Variants in ATP10D observed in about 807,000 individuals in gnomAD.
ATP10D encodes the protein phospholipid-transporting ATPase VD.
In ATP10D, 89 loss-of-function variants were observed where a neutral mutation model predicts 144.8. The ratio of observed to expected loss-of-function variants is 0.61; its 90% CI spans 0.52 to 0.73. The LOEUF (loss-of-function observed/expected upper bound fraction) is 0.73. Ranked by LOEUF, ATP10D falls within the 30% of genes least tolerant of loss-of-function variation. ATP10D has a pLI of 0.00. For missense variants in ATP10D, 1,603 were observed against 1,714.8 expected (o/e 0.93, Z 1.15); for synonymous variants, 571 against 615.1 (o/e 0.93, Z 1.06).
At chr4:47,585,875 A>C (rs1470747472) in intron 21 of ATP10D, among the ~76,000 whole-genome samples, 1 of 152,004 alleles carries the variant, frequency 6.6e-6, no homozygotes, top group Non-Finnish European at 1.5e-5. Context: ...GATATACCAC[A>C]GTTTTTTATC....
chr4:47,529,800 G>T (rs1362790354), intron 5 of ATP10D, among the ~76,000 whole-genome samples: 1 of 151,952 alleles, frequency 6.6e-6, no homozygotes, highest in Non-Finnish European at 1.5e-5. Flanking sequence ...ATTTATTTGT[G>T]TCATCTACAG....
At chr4:47,546,115 G>A (rs187005047) in intron 9 of ATP10D, among the ~76,000 whole-genome samples, 8 of 152,340 alleles carry the variant, frequency 5.3e-5, no homozygotes, top group Admixed American at 5.2e-4. Flanking sequence ...ATTACTAAGG[G>A]TTCACATAAG....
intron 5 of ATP10D, 59 bp downstream of exon 5, chr4:47,525,701 C>T (rs1240793068): frequency 7.3e-6 from 10 of 1,367,162 alleles, no homozygotes; most frequent in East Asian, 2.3e-5. Context: ...TGCAATCGTA[C>T]TTAATTTGAT....
chr4:47,485,633 T>A (rs985068273), intron 1 of ATP10D, 114 bp downstream of exon 1: 6 of 151,890 alleles, frequency 4.0e-5, no homozygotes, highest in African/African-American at 1.5e-4. Flanking sequence ...TCCCTAGTCG[T>A]GTTTAGATTT....
intron 22 of ATP10D, 67 bp from the exon 23 acceptor site, chr4:47,590,975 T>TTG (rs1553902234): frequency 4.9e-5 from 52 of 1,051,380 alleles, no homozygotes; most frequent in African/African-American, 2.5e-4. Flanking sequence ...TCGTTAGTAT[T>TTG]TGGGGGGGGG....
At chr4:47,524,880 A>G (rs1015612780) in intron 4 of ATP10D, among the ~76,000 whole-genome samples, 2 of 150,824 alleles carry the variant, frequency 1.3e-5, no homozygotes, top group Non-Finnish European at 1.5e-5. Context: ...GTTTCCTATT[A>G]TATACTTATT....
At chr4:47,520,237 T>C (rs930622791) in intron 3 of ATP10D, among the ~76,000 whole-genome samples, 4 of 152,226 alleles carry the variant, frequency 2.6e-5, no homozygotes, top group African/African-American at 9.7e-5. Context: ...GCATGAATTA[T>C]GTACCTCAAA....
chr4:47,496,391 A>C (rs530374483), intron 1 of ATP10D, among the ~76,000 whole-genome samples: 2 of 152,266 alleles, frequency 1.3e-5, no homozygotes, highest in Admixed American at 1.3e-4. Flanking sequence ...TCCTGACCTC[A>C]GGTGATCTGC....
intron 1 of ATP10D, among the ~76,000 whole-genome samples, chr4:47,510,822 A>T (rs1276254108): frequency 1.3e-5 from 2 of 152,372 alleles, no homozygotes; most frequent in East Asian, 1.9e-4. Context: ...CTTATGTCTT[A>T]GTAAGAATTT....
intron 15 of ATP10D, 39 bp downstream of exon 15, chr4:47,563,804 C>A: frequency 6.8e-7 from 1 of 1,460,720 alleles, no homozygotes; most frequent in Non-Finnish European, 9.2e-7. Flanking sequence ...TCTGTATTTT[C>A]AAAGGCATTG....
Position 47,535,497 on chromosome 4 carries a change from T to C in ATP10D, c.777-12T>C. ...TGTTTAAAAGTGAATTTATATGCTG[T>C]CTTTCTTATAGAGAACATTCCAACA... On this transcript the variant is annotated splice_polypyrimidine_tract_variant and intron_variant, in intron 5 of 22. Coordinates refer to ENST00000273859, the MANE Select transcript of ATP10D (RefSeq NM_020453.4). 6.3e-7 allele frequency: 1 copy of C among 1,596,606 alleles called. No individual in the cohort carries two copies. The highest frequency in any genetic ancestry group is 1.8e-5 in the Admixed American group (1 of 56,460).
intron 1 of ATP10D, among the ~76,000 whole-genome samples, chr4:47,498,628 T>A (rs1341156783): frequency 6.6e-6 from 1 of 152,232 alleles, no homozygotes; most frequent in Non-Finnish European, 1.5e-5. Context: ...TTAAGATGCA[T>A]CCCATTTGAA....
At chr4:47,559,960 A>G (rs1465708529) in intron 13 of ATP10D, among the ~76,000 whole-genome samples, 1 of 152,192 alleles carries the variant, frequency 6.6e-6, no homozygotes. Flanking sequence ...AGATTGCGCC[A>G]CTGCACTCCA....
chr4:47,491,027 C>T, intron 1 of ATP10D: 1 of 713,906 alleles, frequency 1.4e-6, no homozygotes, highest in South Asian at 1.4e-5. Context: ...AGCTCAGGTT[C>T]CTTCCCATTG....
chr4:47,536,234 G>A (rs566718984), intron 7 of ATP10D, among the ~76,000 whole-genome samples: 104 of 152,102 alleles, frequency 6.8e-4, no homozygotes, highest in Middle Eastern at 6.8e-3. Flanking sequence ...CCATAGTACT[G>A]AAGAAACCTG....
At chr4:47,495,083 T>C (rs1458342668) in intron 1 of ATP10D, among the ~76,000 whole-genome samples, 19 of 152,234 alleles carry the variant, frequency 1.2e-4, no homozygotes, top group Admixed American at 1.2e-3. Context: ...TATAATTACA[T>C]GTAATGCTTC....
At chr4:47,495,328 G>A (rs932528816) in intron 1 of ATP10D, among the ~76,000 whole-genome samples, 67 of 151,484 alleles carry the variant, frequency 4.4e-4, no homozygotes, top group African/African-American at 1.5e-3. Flanking sequence ...AAAAAAAAAG[G>A]AAAGAAAAAA....
chr4:47,549,228 C>T (rs1718600610), intron 10 of ATP10D, among the ~76,000 whole-genome samples: 1 of 152,208 alleles, frequency 6.6e-6, no homozygotes, highest in Admixed American at 6.5e-5. Context: ...ACACGAAATG[C>T]TCTTCTCTTA....
intron 9 of ATP10D, among the ~76,000 whole-genome samples, chr4:47,543,831 TTATG>T (rs1718280580): frequency 8.3e-6 from 1 of 119,864 alleles, no homozygotes; most frequent in African/African-American, 3.0e-5. Flanking sequence ...TACATATATA[TTATG>T]TACACACACA....
Sources: allele counts gnomAD v4.1 joint callset (sites outside exome capture counted in the v4.1 genomes callset), GRCh38; gene constraint gnomAD v4.1.1; transcripts MANE v1.5; gene names NCBI Gene and HGNC (gene_info 2026-07-23, HGNC 2026-07-21).